The following PTPN3 variants were observed in gnomAD, a reference collection of about 807,000 sequenced individuals.
PTPN3 encodes the protein tyrosine-protein phosphatase non-receptor type 3.
PTPN3 carries 96 observed loss-of-function variants against 132.7 expected under a neutral mutation model. The ratio of observed to expected loss-of-function variants is 0.72; its 90% CI spans 0.61 to 0.86. PTPN3 has a LOEUF of 0.86. Among genes scored for constraint, PTPN3 ranks in the 40% least tolerant of loss-of-function variants. The pLI is 0.00. For missense variants in PTPN3, 1,125 were observed against 1,159.6 expected (o/e 0.97, Z 0.43); for synonymous variants, 398 against 429.0 (o/e 0.93, Z 0.89).
chr9:109,409,838 CAAACCAAACA>C (rs1358399611), intron 16 of PTPN3, among the ~76,000 whole-genome samples, 151 bp downstream of exon 16: 1 of 151,970 alleles, frequency 6.6e-6, no homozygotes, highest in Non-Finnish European at 1.5e-5. Context: ...CCAAATATCT[CAAACCAAACA>C]AAAACAAAAA....
upstream of PTPN3, among the ~76,000 whole-genome samples, chr9:109,499,964 C>A (rs1379261188): frequency 6.6e-6 from 1 of 152,198 alleles, no homozygotes; most frequent in Non-Finnish European, 1.5e-5. Flanking sequence ...CCGGGCGGGG[C>A]CGGAGCCCCC....
intron 21 of PTPN3, among the ~76,000 whole-genome samples, 169 bp downstream of exon 21, chr9:109,390,969 C>G (rs1840027502): frequency 6.6e-6 from 1 of 152,148 alleles, no homozygotes; most frequent in Non-Finnish European, 1.5e-5. Flanking sequence ...TTAGTTTTCT[C>G]CTCTGTAAAA....
intron 1 of PTPN3, among the ~76,000 whole-genome samples, chr9:109,476,295 G>A (rs999700833): frequency 6.6e-6 from 1 of 151,612 alleles, no homozygotes; most frequent in Admixed American, 6.6e-5. Flanking sequence ...ATGCCAAAAT[G>A]CAAATCAGGA....
chr9:109,452,311 T>G (rs2132011668), intron 5 of PTPN3, among the ~76,000 whole-genome samples: 1 of 148,268 alleles, frequency 6.7e-6, no homozygotes, highest in East Asian at 2.0e-4. Flanking sequence ...AATAGAAAAC[T>G]TCAGAGTACC....
Position 109,468,058 on chromosome 9 carries a change from AT to A in PTPN3, c.-17-4608del, listed in dbSNP as rs576223617. 1.7e-3 allele frequency among the ~76,000 whole-genome samples: 266 copies of A among 152,360 alleles called. 1 individual carries two copies. Among genetic ancestry groups the A allele is most frequent in the African/African-American group, 6.3e-3 (261 of 41,590 alleles). On this transcript the variant is annotated intron_variant, in intron 1 of 25. Coordinates refer to ENST00000374541, the MANE Select transcript of PTPN3 (RefSeq NM_002829.4). ...TGTGGTATTTTCAGATTGTCTTGAA[AT>A]TACATCTTAAACAATCTGGTCGGGA...
chr9:109,489,564 C>A (rs1475880050), intron 1 of PTPN3, among the ~76,000 whole-genome samples: 2 of 152,098 alleles, frequency 1.3e-5, no homozygotes, highest in Non-Finnish European at 2.9e-5. Flanking sequence ...ATTAATAGGA[C>A]CCCTTTTTAT....
chr9:109,411,875 C>T (rs1370959998), intron 14 of PTPN3, among the ~76,000 whole-genome samples: 2 of 152,108 alleles, frequency 1.3e-5, no homozygotes, highest in Non-Finnish European at 2.9e-5. Flanking sequence ...AAGAGTCTGG[C>T]CTTATGGTGT....
At chr9:109,417,451 C>T (rs911979442) in intron 14 of PTPN3, 4 of 436,962 alleles carry the variant, frequency 9.2e-6, no homozygotes, top group Non-Finnish European at 9.1e-6. Flanking sequence ...TTCTTTTTGC[C>T]TCTTAACACA....
intron 1 of PTPN3, among the ~76,000 whole-genome samples, chr9:109,473,622 T>A (rs1457161908): frequency 6.6e-6 from 1 of 152,172 alleles, no homozygotes; most frequent in Non-Finnish European, 1.5e-5. Context: ...TGAGCTGGGT[T>A]TTCAGTGTTG....
intron 23 of PTPN3, among the ~76,000 whole-genome samples, chr9:109,383,106 G>A (rs898704666): frequency 1.3e-5 from 2 of 152,160 alleles, no homozygotes; most frequent in Non-Finnish European, 2.9e-5. Flanking sequence ...ATATGCTCAA[G>A]GTTCCCCAGT....
intron 1 of PTPN3, among the ~76,000 whole-genome samples, chr9:109,494,161 G>A (rs1847580343): frequency 6.6e-6 from 1 of 152,232 alleles, no homozygotes; most frequent in African/African-American, 2.4e-5. Flanking sequence ...GGTGGGTTCT[G>A]CATTAGTGAA....
At chr9:109,515,779 T>TAAAA in the PTPN3 span, among the ~76,000 whole-genome samples, 1 of 152,146 alleles carries the variant, frequency 6.6e-6, no homozygotes, top group African/African-American at 2.4e-5. Flanking sequence ...AACCAGCTCT[T>TAAAA]AGGTGAACCA....
At chr9:109,523,373 CA>C in the PTPN3 span, among the ~76,000 whole-genome samples, 1 of 152,188 alleles carries the variant, frequency 6.6e-6, no homozygotes, top group South Asian at 2.1e-4. Context: ...CTTGGCCTCC[CA>C]AAGTGCTGGG....
chr9:109,443,792 C>A (rs1302678607), intron 7 of PTPN3, among the ~76,000 whole-genome samples: 1 of 152,184 alleles, frequency 6.6e-6, no homozygotes, highest in African/African-American at 2.4e-5. Context: ...GGCCCATTCG[C>A]CTGTTTTGAG....
At chr9:109,428,146 A>T (rs1487130771) in intron 11 of PTPN3, among the ~76,000 whole-genome samples, 1 of 152,210 alleles carries the variant, frequency 6.6e-6, no homozygotes, top group African/African-American at 2.4e-5. Context: ...AAGTGCTTTG[A>T]CCAATCCTCT....
intron 11 of PTPN3, among the ~76,000 whole-genome samples, chr9:109,428,153 CT>C (rs1312796292): frequency 6.6e-6 from 1 of 152,202 alleles, no homozygotes; most frequent in Non-Finnish European, 1.5e-5. Flanking sequence ...TTGACCAATC[CT>C]CTTTTATTTA....
chr9:109,404,383 G>T, intron 19 of PTPN3, 65 bp downstream of exon 19: 1 of 1,198,242 alleles, frequency 8.3e-7, no homozygotes, highest in Non-Finnish European at 1.1e-6. Flanking sequence ...TTCCTCCACT[G>T]CTCAGAGGCA....
chr9:109,436,741 A>T, intron 9 of PTPN3, 142 bp downstream of exon 9: 1 of 1,298,608 alleles, frequency 7.7e-7, no homozygotes. Flanking sequence ...AAAATTCAGC[A>T]TTACTTAATA....
At chr9:109,532,709 CA>C in the PTPN3 span, 1 of 260,260 alleles carries the variant, frequency 3.8e-6, no homozygotes, top group Non-Finnish European at 7.4e-6. Context: ...GGTCAATGGG[CA>C]AAAAGCAAGC....
Sources: gnomAD v4.1 joint callset for allele counts (sites outside exome capture counted in the v4.1 genomes callset) on GRCh38, gnomAD v4.1.1 for gene constraint, MANE v1.5 for transcripts, NCBI Gene and HGNC (gene_info 2026-07-23, HGNC 2026-07-21) for gene names.